PRKCB: variants seen among roughly 807,000 people sequenced by gnomAD.
PRKCB encodes protein kinase C beta type.
In PRKCB, 13 loss-of-function variants were observed where a neutral mutation model predicts 81.5. The observed-to-expected ratio is 0.16, with a 90% CI of 0.10 to 0.25. The LOEUF is 0.25. Ranked by LOEUF, PRKCB falls within the 10% of genes least tolerant of loss-of-function variation. The probability of loss-of-function intolerance (pLI) is 1.00; values close to 1 mark genes in which losing one functional copy is unlikely to be tolerated. For missense variants in PRKCB, 509 were observed against 875.7 expected (o/e 0.58, Z 5.29); for synonymous variants, 335 against 321.4 (o/e 1.04, Z -0.45).
At chr16:23,903,075 C>T (rs145799707) in intron 2 of PRKCB, among the ~76,000 whole-genome samples, 23 of 150,004 alleles carry the variant, frequency 1.5e-4, no homozygotes, top group Non-Finnish European at 2.2e-4. Flanking sequence ...CAGGAGCCCT[C>T]CTGCTTCAGC....
In PRKCB at chr16:24,218,521, C is replaced by A. The variant is rs73550434; in HGVS notation, c.*3705C>A. Reference sequence around the variant, plus strand: ...GTTCAGTGTGCCCACCTCACTCCCACACCCTCACATAGACTTGGCAAGAGT... The same window carrying A: ...GTTCAGTGTGCCCACCTCACTCCCAAACCCTCACATAGACTTGGCAAGAGT... On this transcript the variant is annotated 3_prime_UTR_variant, in exon 17 of 17. Coordinates refer to ENST00000643927, the MANE Select transcript of PRKCB (RefSeq NM_002738.7). The A allele has an allele frequency of 1.8e-3, 1,754 of 985,454 alleles. 30 individuals carry two copies. In the African/African-American group the frequency reaches 0.028, roughly 16 times the overall value. 61.0% of individuals were successfully genotyped at this position (985,454 alleles called of 1,614,324 possible).
chr16:24,012,208 T>C (rs1346194971), intron 3 of PRKCB, among the ~76,000 whole-genome samples: 1 of 152,198 alleles, frequency 6.6e-6, no homozygotes, highest in Non-Finnish European at 1.5e-5. Context: ...AGCTGACATG[T>C]ATGTAGCACC....
chr16:24,089,950 T>C (rs982387369), intron 5 of PRKCB, among the ~76,000 whole-genome samples: 2 of 152,236 alleles, frequency 1.3e-5, no homozygotes, highest in African/African-American at 4.8e-5. Context: ...AATTTTACTC[T>C]TGTAACAACC....
chr16:23,973,531 T>C (rs1964585528), intron 2 of PRKCB, among the ~76,000 whole-genome samples: 1 of 152,038 alleles, frequency 6.6e-6, no homozygotes, highest in Non-Finnish European at 1.5e-5. Flanking sequence ...AGCAACTCTA[T>C]GAGTAGGTAC....
chr16:24,215,689 T>A lies in PRKCB; in HGVS notation c.*873T>A, dbSNP rs1968217142. Reference sequence around the variant, plus strand: ...AAAAGGTGACTCACATTGTTACACATGCTTTAAAATATGTATTCAAATGTT... The same window carrying A: ...AAAAGGTGACTCACATTGTTACACAAGCTTTAAAATATGTATTCAAATGTT... On this transcript the variant is annotated 3_prime_UTR_variant, in exon 17 of 17. Coordinates refer to ENST00000643927, the MANE Select transcript of PRKCB (RefSeq NM_002738.7). 1 of 984,902 alleles carries A rather than the reference T, an allele frequency of 1.0e-6. No homozygotes were observed. Among genetic ancestry groups the A allele is most frequent in the Non-Finnish European group, 1.2e-6 (1 of 829,384 alleles). The allele number at this position is 984,902 out of a possible 1,614,324, so 61.0% of individuals were successfully genotyped here.
In PRKCB at chr16:24,067,308, T is replaced by A. The variant is rs564757329; in HGVS notation, c.530-25483T>A. Among the ~76,000 whole-genome samples the A allele has an allele frequency of 5.3e-4, 81 of 151,944 alleles. 1 individual carries two copies. The East Asian group carries it at 0.014, about 26-fold the overall frequency. ...GGATCTGCCCTCTTGTCTGTTTTTTTAAAATTTTTTAGACGGGATCTTATT... is the reference window on the plus strand; with the variant it reads ...GGATCTGCCCTCTTGTCTGTTTTTTAAAAATTTTTTAGACGGGATCTTATT... On this transcript the variant is annotated intron_variant, in intron 5 of 16. Transcript: ENST00000643927.
chr16:23,840,357 T>G (rs1962243417), intron 2 of PRKCB, among the ~76,000 whole-genome samples: 1 of 152,126 alleles, frequency 6.6e-6, no homozygotes, highest in African/African-American at 2.4e-5. Flanking sequence ...GAGTGACAAT[T>G]ATCTCATGGT....
intron 3 of PRKCB, among the ~76,000 whole-genome samples, chr16:24,009,171 T>G (rs924861182): frequency 6.6e-6 from 1 of 152,188 alleles, no homozygotes; most frequent in African/African-American, 2.4e-5. Flanking sequence ...ACTGCTAACA[T>G]TTCTTCAGGA....
At chr16:24,066,736 A>G (rs1012659359) in intron 5 of PRKCB, among the ~76,000 whole-genome samples, 3 of 152,210 alleles carry the variant, frequency 2.0e-5, no homozygotes, top group Non-Finnish European at 2.9e-5. Context: ...CAATTTCTCA[A>G]TCGTTTCTTA....
At chr16:24,184,428 C>T (rs577150344) in intron 13 of PRKCB, among the ~76,000 whole-genome samples, 54 of 150,498 alleles carry the variant, frequency 3.6e-4, no homozygotes, top group African/African-American at 1.2e-3. Context: ...GCACTCCAGC[C>T]TGGGTGACAA....
At chr16:24,177,247 G>A (rs897765728) in intron 12 of PRKCB, among the ~76,000 whole-genome samples, 13 of 152,192 alleles carry the variant, frequency 8.5e-5, no homozygotes, top group South Asian at 2.1e-4. Context: ...CTGGGATCTG[G>A]GATCCATGGA....
chr16:24,009,029 C>T (rs553826493), intron 3 of PRKCB, among the ~76,000 whole-genome samples: 3 of 152,220 alleles, frequency 2.0e-5, no homozygotes, highest in South Asian at 2.1e-4. Flanking sequence ...TGCAGAACTT[C>T]CTTCTTTTTG....
intron 2 of PRKCB, among the ~76,000 whole-genome samples, chr16:23,865,280 T>C (rs1045373155): frequency 1.3e-5 from 2 of 150,358 alleles, no homozygotes; most frequent in African/African-American, 2.4e-5. Context: ...TGTGTGTGTG[T>C]GTGTGTGTGT....
intron 2 of PRKCB, among the ~76,000 whole-genome samples, chr16:23,849,643 A>G (rs1317849588): frequency 2.6e-5 from 4 of 151,910 alleles, no homozygotes; most frequent in Non-Finnish European, 5.9e-5. Flanking sequence ...GTAGAGAAGG[A>G]CTTCTTTTTA....
At chr16:24,038,719 G>C (rs1009338646) in intron 5 of PRKCB, among the ~76,000 whole-genome samples, 1 of 152,242 alleles carries the variant, frequency 6.6e-6, no homozygotes, top group African/African-American at 2.4e-5. Flanking sequence ...GCTGCTCATG[G>C]GAAAAGAGAA....
At chr16:23,928,704 T>TTTTGTTTTGTTTTG (rs1963930936) in intron 2 of PRKCB, among the ~76,000 whole-genome samples, 1 of 151,206 alleles carries the variant, frequency 6.6e-6, no homozygotes, top group African/African-American at 2.4e-5. Flanking sequence ...TATCTAGTGG[T>TTTTGTTTTGTTTTG]TTTGTTTTGT....
In PRKCB at chr16:23,971,167, G is replaced by A. The variant is rs555770680; in HGVS notation, c.206-17341G>A. ...TTTAGTATTATTTTTATTAGAAGCCGTGGCAGTAGTTACCATCATTGTCAC... is the reference window on the plus strand; with the variant it reads ...TTTAGTATTATTTTTATTAGAAGCCATGGCAGTAGTTACCATCATTGTCAC... On this transcript the variant is annotated intron_variant, in intron 2 of 16. Coordinates refer to ENST00000643927, the MANE Select transcript of PRKCB (RefSeq NM_002738.7). 2.1e-4 allele frequency among the ~76,000 whole-genome samples: 32 copies of A among 152,280 alleles called. No individual in the cohort carries two copies. In the South Asian group the frequency reaches 2.5e-3, roughly 12 times the overall value.
At chr16:24,094,589 A>G (rs1393592803) in intron 7 of PRKCB, among the ~76,000 whole-genome samples, 1 of 152,090 alleles carries the variant, frequency 6.6e-6, no homozygotes, top group Non-Finnish European at 1.5e-5. Flanking sequence ...AACATGGTGA[A>G]ACCCCATCTC....
intron 3 of PRKCB, among the ~76,000 whole-genome samples, chr16:24,013,744 G>A (rs1325319558): frequency 6.7e-6 from 1 of 148,250 alleles, no homozygotes; most frequent in African/African-American, 2.5e-5. Flanking sequence ...TCCTAGTGAG[G>A]TTCTTGGTAA....
Sources: allele counts gnomAD v4.1 joint callset (sites outside exome capture counted in the v4.1 genomes callset), GRCh38; gene constraint gnomAD v4.1.1; transcripts MANE v1.5; gene names NCBI Gene and HGNC (gene_info 2026-07-23, HGNC 2026-07-21).